Variants in SPTB observed in about 807,000 individuals in gnomAD.
SPTB encodes the protein spectrin beta chain, erythrocytic.
A neutral mutation model predicts 256.2 loss-of-function variants in SPTB; 45 were observed. The ratio of observed to expected loss-of-function variants is 0.18; its 90% CI spans 0.14 to 0.23. SPTB has a LOEUF of 0.23. Ranked by LOEUF, SPTB falls within the 10% of genes least tolerant of loss-of-function variation. SPTB has a pLI of 1.00. For missense variants in SPTB, 2,715 were observed against 3,040.4 expected, an observed-to-expected ratio of 0.89 and a Z score of 2.52; for synonymous variants, 1,231 against 1,243.1, an observed-to-expected ratio of 0.99 and a Z score of 0.21.
chr14:64,840,960 A>G (rs1012970267), intron 1 of SPTB, among the ~76,000 whole-genome samples: 5 of 152,238 alleles, frequency 3.3e-5, no homozygotes, highest in Non-Finnish European at 5.9e-5. Flanking sequence ...GCTTATAGTC[A>G]GGAAGGTAAT....
chr14:64,864,292 T>TAA (rs112964300), intron 1 of SPTB, among the ~76,000 whole-genome samples: 44 of 149,536 alleles, frequency 2.9e-4, no homozygotes, highest in Admixed American at 8.0e-4. Flanking sequence ...CTTCATCTCT[T>TAA]AAAAAAAAAG....
At chr14:64,833,433 C>A (rs565183801) in intron 1 of SPTB, among the ~76,000 whole-genome samples, 4 of 152,092 alleles carry the variant, frequency 2.6e-5, no homozygotes, top group African/African-American at 9.6e-5. Flanking sequence ...CACCTGTAGT[C>A]CCAGCTACTC....
chr14:64,815,057 G>T (rs918798377), intron 2 of SPTB, among the ~76,000 whole-genome samples: 2 of 152,142 alleles, frequency 1.3e-5, no homozygotes, highest in Non-Finnish European at 2.9e-5. Flanking sequence ...GGGAGTGGGG[G>T]TGAGAAGCAG....
At chr14:64,805,827 G>C (rs535058257) in intron 2 of SPTB, among the ~76,000 whole-genome samples, 1 of 152,348 alleles carries the variant, frequency 6.6e-6, no homozygotes, top group East Asian at 1.9e-4. Context: ...AAAATGATGA[G>C]CAAGGGAACA....
At chr14:64,834,443 T>TA (rs1309010062) in intron 1 of SPTB, among the ~76,000 whole-genome samples, 1 of 151,626 alleles carries the variant, frequency 6.6e-6, no homozygotes, top group Non-Finnish European at 1.5e-5. Flanking sequence ...TTTTTTTTTT[T>TA]AGACATCGTT....
chr14:64,772,478 T>C lies in SPTB; in HGVS notation c.5553+102A>G. 1 of 1,505,500 alleles carries C rather than the reference T, an allele frequency of 6.6e-7. No homozygotes were observed. The highest frequency in any genetic ancestry group is 8.9e-7 in the Non-Finnish European group (1 of 1,122,986). 93.3% of individuals were successfully genotyped at this position (1,505,500 alleles called of 1,614,324 possible). On this transcript the variant is annotated intron_variant, in intron 26 of 35. Transcript: ENST00000644917. The surrounding 1 kb of genome is among the most constrained non-coding windows in gnomAD (Gnocchi z 5.4). ...GGCTGTCTAAGGAGGCAAAACCTCC[T>C]GGCACTTATCCTAGAGGTTTTCCTG...
rs229586 is a variant in SPTB, at chr14:64,796,629, C to T, written c.1269G>A (p.Leu423=). The T allele has an allele frequency of 0.25, 410,642 of 1,614,024 alleles. 53,837 individuals carry two copies. The highest frequency in any genetic ancestry group is 0.37 in the South Asian group (33,966 of 91,088). ...ELIRQEKLEQ[L]ARRFDRKAAM... ...CGGCCTTCCGGTCAAAGCGCCGGGCCAGTTGCTCTAGCTTCTCCTGCCGAA... is the reference window on the plus strand; with the variant it reads ...CGGCCTTCCGGTCAAAGCGCCGGGCTAGTTGCTCTAGCTTCTCCTGCCGAA... The change falls in exon 11 of 36, where the codon CTG becomes CTA. Residue 423 remains leucine (L), a synonymous_variant. Transcript: ENST00000644917. The surrounding 1 kb of genome is among the most constrained non-coding windows in gnomAD (Gnocchi z 4.1).
rs1398350693 is a variant in SPTB, at chr14:64,795,797, C to T, written c.1342-158G>A. Among the ~76,000 whole-genome samples, 1 of 152,186 alleles carries T rather than the reference C, an allele frequency of 6.6e-6. No individual in the cohort carries two copies. The highest frequency in any genetic ancestry group is 1.5e-5 in the Non-Finnish European group (1 of 68,028). The stretch of plus-strand genomic sequence containing the variant: ...GCCTTACTTTTGCAGCCTGTCTTAT[C>T]AGACCCAAGTTCCAAAAATTAATGT... On this transcript the variant is annotated intron_variant, in intron 11 of 35. Coordinates refer to ENST00000644917, the MANE Select transcript of SPTB (RefSeq NM_001355436.2). This position sits in a 1 kb window ranked among gnomAD's most constrained non-coding sequence, Gnocchi z 6.5.
In SPTB at chr14:64,847,101, T is replaced by C. The variant is rs1210020198; in HGVS notation, c.-51-23956A>G. Among the ~76,000 whole-genome samples the C allele has an allele frequency of 2.6e-5, 4 of 152,186 alleles. No individual in the cohort carries two copies. The highest frequency in any genetic ancestry group is 9.7e-5 in the African/African-American group (4 of 41,446). ...TGTGTAGCTCCACCTCGGGGTGTGA[T>C]TTCCTCAGTTGTTCACTGGCATAGA... On this transcript the variant is annotated intron_variant, in intron 1 of 35. Coordinates refer to ENST00000644917, the MANE Select transcript of SPTB (RefSeq NM_001355436.2). This position sits in a 1 kb window ranked among gnomAD's most constrained non-coding sequence, Gnocchi z 5.9.
intron 24 of SPTB, among the ~76,000 whole-genome samples, chr14:64,773,651 G>C (rs535591762): frequency 1.3e-5 from 2 of 152,324 alleles, no homozygotes; most frequent in South Asian, 4.1e-4. Context: ...TCCTGGAGGG[G>C]TGCTTCCCAT....
intron 32 of SPTB, chr14:64,754,762 C>T (rs1393312547): frequency 6.6e-6 from 1 of 152,258 alleles, no homozygotes; most frequent in Non-Finnish European, 1.5e-5. Context: ...GGGAAGCTGA[C>T]CTGCCATTCC....
At chr14:64,770,770 G>A (rs1350677198) in intron 27 of SPTB, 115 bp downstream of exon 27, 1 of 1,517,830 alleles carries the variant, frequency 6.6e-7, no homozygotes, top group Admixed American at 1.7e-5. Flanking sequence ...GGATTTTCAT[G>A]GAACGATAGT....
chr14:64,843,502 A>G (rs1241067438), intron 1 of SPTB, among the ~76,000 whole-genome samples: 1 of 152,226 alleles, frequency 6.6e-6, no homozygotes, highest in African/African-American at 2.4e-5. Flanking sequence ...GCAAAGCAGT[A>G]AATTCCTTAC....
intron 1 of SPTB, among the ~76,000 whole-genome samples, chr14:64,877,285 AT>A (rs1389270632): frequency 7.2e-5 from 11 of 152,280 alleles, no homozygotes; most frequent in African/African-American, 2.4e-4. Flanking sequence ...TTCAGATAAT[AT>A]TTTTTAAGCT....
At chr14:64,774,930 T>C (rs1269863548) in intron 23 of SPTB, among the ~76,000 whole-genome samples, 195 bp downstream of exon 23, 1 of 152,126 alleles carries the variant, frequency 6.6e-6, no homozygotes, top group East Asian at 1.9e-4. Flanking sequence ...AGGAGGCACC[T>C]GGCTTCAGTG....
rs1366296911 is a variant in SPTB, at chr14:64,823,902, C to T, written c.-51-757G>A. ...ATCAAGCACGTGGCAGTCGGGGCATCCCATGGACAATGGAACCGTGCATTG... is the reference window on the plus strand; with the variant it reads ...ATCAAGCACGTGGCAGTCGGGGCATTCCATGGACAATGGAACCGTGCATTG... On this transcript the variant is annotated intron_variant, in intron 1 of 35. Coordinates refer to ENST00000644917, the MANE Select transcript of SPTB (RefSeq NM_001355436.2). The surrounding 1 kb of genome is among the most constrained non-coding windows in gnomAD (Gnocchi z 6.5). Among the ~76,000 whole-genome samples, 5 of 152,184 alleles carry T rather than the reference C, an allele frequency of 3.3e-5. No homozygotes were observed. The East Asian group carries it at 9.6e-4, about 29-fold the overall frequency.
At chr14:64,750,234 A>T in intron 33 of SPTB, 80 bp from the exon 34 acceptor site, 3 of 1,414,210 alleles carry the variant, frequency 2.1e-6, no homozygotes, top group Non-Finnish European at 2.9e-6. Flanking sequence ...TCACCATTAA[A>T]AAAAATTACA....
intron 19 of SPTB, among the ~76,000 whole-genome samples, chr14:64,783,395 T>G (rs1156867343): frequency 6.6e-6 from 1 of 152,144 alleles, no homozygotes; most frequent in East Asian, 1.9e-4. Context: ...AGAGATGGGA[T>G]TTCGCCATGT....
Position 64,775,408 on chromosome 14 carries a change from G to T in SPTB, c.4564-5C>A, listed in dbSNP as rs370403724. On this transcript the variant is annotated splice_region_variant and splice_polypyrimidine_tract_variant and intron_variant, in intron 22 of 35. Transcript: ENST00000644917. This position sits in a 1 kb window ranked among gnomAD's most constrained non-coding sequence, Gnocchi z 5.0. ...CAGAATCTCATTCTGCAGTGTCTGC[G>T]GCCAGAAGGAAGGGCTCGGGGCAGG... 1 of 1,610,254 alleles carries T rather than the reference G, an allele frequency of 6.2e-7. No homozygotes were observed. Among genetic ancestry groups the T allele is most frequent in the African/African-American group, 1.3e-5 (1 of 74,992 alleles).
Sources: gnomAD v4.1 joint callset for allele counts (sites outside exome capture counted in the v4.1 genomes callset) on GRCh38, gnomAD v4.1.1 for gene constraint, Gnocchi (gnomAD v3.1) non-coding constraint, MANE v1.5 for transcripts, NCBI Gene and HGNC (gene_info 2026-07-23, HGNC 2026-07-21) for gene names.